NEK4: variants seen among roughly 807,000 people sequenced by gnomAD.
NEK4 encodes serine/threonine-protein kinase Nek4.
NEK4 carries 86 observed loss-of-function variants against 98.4 expected under a neutral mutation model. The observed-to-expected ratio is 0.87, with a 90% CI of 0.73 to 1.05. NEK4 has a LOEUF of 1.05. Among genes scored for constraint, NEK4 ranks in the 50% least tolerant of loss-of-function variants. The probability of loss-of-function intolerance (pLI) is 0.00; values close to 1 mark genes in which losing one functional copy is unlikely to be tolerated. For missense variants in NEK4, 898 were observed against 950.3 expected, an observed-to-expected ratio of 0.94 and a Z score of 0.72; for synonymous variants, 328 against 342.2, an observed-to-expected ratio of 0.96 and a Z score of 0.46.
intron 6 of NEK4, among the ~76,000 whole-genome samples, chr3:52,754,926 T>G (rs2097412152): frequency 6.6e-6 from 1 of 151,662 alleles, no homozygotes; most frequent in South Asian, 2.1e-4. Flanking sequence ...GCAAAAAAAT[T>G]AGCCGGGCGC....
At chr3:52,735,890 A>G (rs910785814) in intron 15 of NEK4, among the ~76,000 whole-genome samples, 3 of 152,226 alleles carry the variant, frequency 2.0e-5, no homozygotes, top group Admixed American at 6.5e-5. Flanking sequence ...ATTCACTGCC[A>G]CCTTATCTTA....
chr3:52,736,309 G>A (rs767511404), intron 15 of NEK4, among the ~76,000 whole-genome samples: 27 of 152,068 alleles, frequency 1.8e-4, no homozygotes, highest in South Asian at 4.1e-4. Flanking sequence ...ATAGCAGGCC[G>A]GGCCTGGTGG....
At position 52,709,400 on chromosome 3, in the gene NEK4, G is replaced by GTAAT. The variant is rs760890449; in HGVS notation, c.*2373_*2376dup. ...AAACAAAATAAAAATATACAGTATG[G>GTAAT]TAATTAATAAGAAAGTATGGGGGAA... On this transcript the variant is annotated 3_prime_UTR_variant, in exon 16 of 16. Transcript: ENST00000233027. The GTAAT allele has an allele frequency of 6.6e-6, 1 of 151,950 alleles. No individual in the cohort carries two copies. The highest frequency in any genetic ancestry group is 6.6e-5 in the Admixed American group (1 of 15,236). 9.4% of individuals were successfully genotyped at this position (151,950 alleles called of 1,614,324 possible).
rs754316674 is a variant in NEK4 at position 52,746,902 on chromosome 3, A to G, written c.1509T>C (p.Asp503=). 5 of 1,610,714 alleles carry G rather than the reference A, an allele frequency of 3.1e-6. No homozygotes were observed. The East Asian group carries it at 1.1e-4, about 36-fold the overall frequency. ...CTATAATACATTCACCAGCAACTTGATCCTTAAAAACAATAAAATGACATT... is the reference window on the plus strand; with the variant it reads ...CTATAATACATTCACCAGCAACTTGGTCCTTAAAAACAATAAAATGACATT... ...GITGVCHHAQ[D]QVAGECIIEK... Residue 503 remains aspartate, a splice_region_variant and synonymous_variant, in exon 9 of 16, where the codon GAT becomes GAC. Transcript: ENST00000233027.
intron 4 of NEK4, 89 bp from the exon 5 acceptor site, chr3:52,763,713 G>T: frequency 1.1e-6 from 1 of 940,366 alleles, no homozygotes; most frequent in Non-Finnish European, 1.6e-6. Context: ...TTTATTTATA[G>T]TCATATGTCC....
intron 6 of NEK4, among the ~76,000 whole-genome samples, chr3:52,756,332 T>C (rs79261623): frequency 2.6e-5 from 4 of 152,294 alleles, no homozygotes. Context: ...GACTCATGCC[T>C]CATGATTTTA....
chr3:52,713,919 T>C (rs1340422865), intron 15 of NEK4, among the ~76,000 whole-genome samples: 1 of 151,632 alleles, frequency 6.6e-6, no homozygotes, highest in African/African-American at 2.4e-5. Flanking sequence ...CATGACACCA[T>C]AAGGAGCTCT....
intron 15 of NEK4, among the ~76,000 whole-genome samples, chr3:52,731,476 G>A (rs1175973238): frequency 6.6e-6 from 1 of 152,192 alleles, no homozygotes; most frequent in East Asian, 1.9e-4. Flanking sequence ...ATATAGATCA[G>A]CGGAATAGAA....
At chr3:52,751,847 A>T (rs1326086222) in intron 7 of NEK4, 85 bp downstream of exon 7, 1 of 1,326,550 alleles carries the variant, frequency 7.5e-7, no homozygotes, top group Admixed American at 2.2e-5. Flanking sequence ...TGATTTTCCT[A>T]AAATGACAAC....
intron 6 of NEK4, chr3:52,754,097 G>C (rs2097410480): frequency 4.0e-6 from 1 of 248,858 alleles, no homozygotes; most frequent in Non-Finnish European, 7.9e-6. Flanking sequence ...AGGAGGCAGA[G>C]GTTGCGGTGA....
chr3:52,746,674 C>T, intron 9 of NEK4, 60 bp downstream of exon 9: 3 of 1,478,626 alleles, frequency 2.0e-6, no homozygotes, highest in Non-Finnish European at 2.8e-6. Context: ...TTGTTAATTG[C>T]TCTAAATAGA....
chr3:52,745,711 T>C (rs777321718), intron 10 of NEK4, among the ~76,000 whole-genome samples: 24 of 152,152 alleles, frequency 1.6e-4, no homozygotes, highest in Non-Finnish European at 2.4e-4. Context: ...CAAAAAGCTT[T>C]ATAAGAAGGT....
chr3:52,711,909 A>G, intron 15 of NEK4, 40 bp from the exon 16 acceptor site: 1 of 1,130,164 alleles, frequency 8.8e-7, no homozygotes, highest in Non-Finnish European at 1.3e-6. Flanking sequence ...AGTATGTAGT[A>G]GGAAAAAATA....
At chr3:52,742,983 C>T (rs1424621964) in intron 12 of NEK4, among the ~76,000 whole-genome samples, 1 of 152,048 alleles carries the variant, frequency 6.6e-6, no homozygotes, top group Admixed American at 6.6e-5. Context: ...CAGGGTCCAA[C>T]TATATTGCCC....
intron 6 of NEK4, among the ~76,000 whole-genome samples, chr3:52,755,245 A>G (rs2097413150): frequency 2.6e-5 from 4 of 152,116 alleles, no homozygotes; most frequent in Admixed American, 2.6e-4. Flanking sequence ...AGAGCTTACC[A>G]GGGCCTGACG....
At position 52,737,597 on chromosome 3, in the gene NEK4, A is replaced by C. The variant is rs1471829055; in HGVS notation, c.2422T>G (p.Phe808Val). 2 of 1,613,822 alleles carry C rather than the reference A, an allele frequency of 1.2e-6. No individual in the cohort carries two copies. Among genetic ancestry groups the C allele is most frequent in the Non-Finnish European group, 1.7e-6 (2 of 1,179,882 alleles). Reference protein sequence around the residue: ...VYDLLEEEDEFDREVRLREHM... With the variant: ...VYDLLEEEDEVDREVRLREHM... ...AATGAGACACTCACCTCTCTATCAA[A>C]TTCATCCTCCTCCTCCAAAAGATCA... The change falls in exon 15 of 16, where the codon TTT (phenylalanine) becomes GTT (valine). Residue 808 changes from phenylalanine (F) to valine (V), a missense_variant. Phe to Val is a conservative substitution (Grantham distance 50). Coordinates refer to ENST00000233027, the MANE Select transcript of NEK4 (RefSeq NM_003157.6).
intron 15 of NEK4, among the ~76,000 whole-genome samples, chr3:52,726,968 CT>C (rs35173917): frequency 0.44 from 54,694 of 124,088 alleles, 11,256 homozygotes; most frequent in Admixed American, 0.52. Context: ...GCATCTAAAA[CT>C]TTTTTTTTTT....
intron 6 of NEK4, among the ~76,000 whole-genome samples, chr3:52,752,917 A>T (rs56236554): frequency 0.053 from 4,407 of 83,708 alleles, 386 homozygotes; most frequent in Non-Finnish European, 0.072. Flanking sequence ...AAAAAAAAAA[A>T]ATATATATAT....
At chr3:52,733,073 C>A in intron 15 of NEK4, 1 of 185,092 alleles carries the variant, frequency 5.4e-6, no homozygotes, top group East Asian at 1.4e-4. Context: ...CCCATCACTC[C>A]CACAAGACGA....
Sources: gnomAD v4.1 joint callset for allele counts (sites outside exome capture counted in the v4.1 genomes callset) on GRCh38, gnomAD v4.1.1 for gene constraint, MANE v1.5 for transcripts, NCBI Gene and HGNC (gene_info 2026-07-23, HGNC 2026-07-21) for gene names.